Variants in LPIN2 observed in about 807,000 individuals in gnomAD.
LPIN2 encodes lipin 2.
In LPIN2, 55 loss-of-function variants were observed where a neutral mutation model predicts 111.4. That is an observed-to-expected ratio of 0.49 (90% CI 0.40 to 0.62). The LOEUF is 0.62. LPIN2 is among the 20% of genes least tolerant of loss of function. The pLI, the probability that LPIN2 is intolerant of heterozygous loss-of-function variation, is 0.00. For missense variants in LPIN2, 992 were observed against 1,112.1 expected (o/e 0.89, Z 1.54); for synonymous variants, 425 against 414.0 (o/e 1.03, Z -0.32).
At position 2,920,251 on chromosome 18, in the gene LPIN2, G is replaced by A. The variant is rs1234105347; in HGVS notation, c.*42C>T. ...AGAGCCAGCTGCCTTCCCTTGCTGT[G>A]GGGAGGGGGACCAAGCCCTGCCCAC... On this transcript the variant is annotated 3_prime_UTR_variant, in exon 20 of 20. Coordinates refer to ENST00000677752, the MANE Select transcript of LPIN2 (RefSeq NM_001375808.2). 6.2e-7 allele frequency: 1 copy of A among 1,612,808 alleles called. No individual in the cohort carries two copies. Among genetic ancestry groups the A allele is most frequent in the Non-Finnish European group, 8.5e-7 (1 of 1,179,256 alleles).
At chr18:3,002,236 C>CAAAAAAAA (rs765641037) in intron 1 of LPIN2, among the ~76,000 whole-genome samples, 12 of 82,804 alleles carry the variant, frequency 1.4e-4, no homozygotes, top group Non-Finnish European at 2.0e-4. Context: ...TTCAAAAGAC[C>CAAAAAAAA]AAAAAAAAAA....
In LPIN2 at chr18:2,977,633, A is replaced by G. The variant is rs550431251; in HGVS notation, c.-9-16784T>C. ...CAAAAGAGCAAACGTATGTCAGAGA[A>G]AAAACAGGAGTATACTCCCAAGAGC... On this transcript the variant is annotated intron_variant, in intron 1 of 19. Coordinates refer to ENST00000677752, the MANE Select transcript of LPIN2 (RefSeq NM_001375808.2). Among the ~76,000 whole-genome samples, 18 of 152,222 alleles carry G rather than the reference A, an allele frequency of 1.2e-4. 1 individual carries two copies. The highest frequency in any genetic ancestry group is 1.9e-4 in the Non-Finnish European group (13 of 68,032).
At chr18:2,964,740 G>A (rs193020479) in intron 1 of LPIN2, among the ~76,000 whole-genome samples, 3 of 152,308 alleles carry the variant, frequency 2.0e-5, no homozygotes, top group Admixed American at 2.0e-4. Flanking sequence ...GATCGTTACA[G>A]TTGACAGAGA....
chr18:2,962,863 A>G (rs2077734639), intron 1 of LPIN2, among the ~76,000 whole-genome samples: 1 of 152,248 alleles, frequency 6.6e-6, no homozygotes, highest in Non-Finnish European at 1.5e-5. Context: ...TAAACAAAAA[A>G]ATGCTAACTT....
At position 2,960,633 on chromosome 18, in the gene LPIN2, C is replaced by A; in HGVS notation, c.192+16G>T. The A allele has an allele frequency of 6.2e-7, 1 of 1,613,504 alleles. No individual in the cohort carries two copies. Among genetic ancestry groups the A allele is most frequent in the Non-Finnish European group, 8.5e-7 (1 of 1,179,622 alleles). Reference sequence around the variant, plus strand: ...TGAATCTCAGGATGACTTTTCCTCTCCTTGAGGACACTCACCACTTTCTCT... The same window carrying A: ...TGAATCTCAGGATGACTTTTCCTCTACTTGAGGACACTCACCACTTTCTCT... On this transcript the variant is annotated intron_variant, in intron 2 of 19. Transcript: ENST00000677752.
rs2077921173 is a variant in LPIN2, at chr18:2,971,859, T to G, written c.-9-11010A>C. On this transcript the variant is annotated intron_variant, in intron 1 of 19. Coordinates refer to ENST00000677752, the MANE Select transcript of LPIN2 (RefSeq NM_001375808.2). Reference sequence around the variant, plus strand: ...TGAGGTCAGGGGTTTGAGACCAGCCTGGCCAACATGGTGAAACTCTCTACT... The same window carrying G: ...TGAGGTCAGGGGTTTGAGACCAGCCGGGCCAACATGGTGAAACTCTCTACT... Among the ~76,000 whole-genome samples, 3 of 151,174 alleles carry G rather than the reference T, an allele frequency of 2.0e-5. 1 individual carries two copies. In the South Asian group the frequency reaches 6.3e-4, roughly 32 times the overall value.
chr18:3,000,025 G>GTT (rs778863362), intron 1 of LPIN2, among the ~76,000 whole-genome samples: 6 of 25,848 alleles, frequency 2.3e-4, no homozygotes, highest in South Asian at 1.8e-3. Context: ...CCCTATCTCT[G>GTT]TTTTGTTTTT....
intron 8 of LPIN2, among the ~76,000 whole-genome samples, chr18:2,933,097 G>A (rs2077235192): frequency 6.6e-6 from 1 of 152,186 alleles, no homozygotes; most frequent in Admixed American, 6.5e-5. Flanking sequence ...TGTAAATTTG[G>A]TAATGAAGAT....
intron 1 of LPIN2, among the ~76,000 whole-genome samples, chr18:3,007,114 T>C (rs546852544): frequency 2.5e-4 from 38 of 152,338 alleles, no homozygotes; most frequent in Middle Eastern, 3.4e-3. Flanking sequence ...AGTTCATATG[T>C]AAATTGACAT....
rs538285275 is a variant in LPIN2 at position 2,930,131 on chromosome 18, T to C, written c.1457-973A>G. ...TAACAGAGAAACTGCTCACTTGGAT[T>C]GTTTCTCCAGGTAATGTGTGTATTA... On this transcript the variant is annotated intron_variant, in intron 9 of 19. Coordinates refer to ENST00000677752, the MANE Select transcript of LPIN2 (RefSeq NM_001375808.2). 5.5e-3 allele frequency among the ~76,000 whole-genome samples: 832 copies of C among 152,356 alleles called. 11 individuals carry two copies. Among genetic ancestry groups the C allele is most frequent in the Middle Eastern group, 0.01 (3 of 294 alleles).
In LPIN2 at chr18:2,975,520, G is replaced by A. The variant is rs984594297; in HGVS notation, c.-9-14671C>T. ...CAGCTAATTTTGTATTTTTAGTAGCGACGGGGTTTCTCCATGTTGGTCAAG... is the reference window on the plus strand; with the variant it reads ...CAGCTAATTTTGTATTTTTAGTAGCAACGGGGTTTCTCCATGTTGGTCAAG... On this transcript the variant is annotated intron_variant, in intron 1 of 19. Coordinates refer to ENST00000677752, the MANE Select transcript of LPIN2 (RefSeq NM_001375808.2). Among the ~76,000 whole-genome samples the A allele has an allele frequency of 2.0e-5, 3 of 152,096 alleles. No homozygotes were observed. The South Asian group carries it at 6.2e-4, about 31-fold the overall frequency.
chr18:2,925,476 T>A lies in LPIN2; in HGVS notation c.1794-108A>T. The A allele has an allele frequency of 7.0e-7, 1 of 1,427,058 alleles. No individual in the cohort carries two copies. The highest frequency in any genetic ancestry group is 9.8e-7 in the Non-Finnish European group (1 of 1,023,920). The allele number at this position is 1,427,058 out of a possible 1,614,324, so 88.4% of individuals were successfully genotyped here. On this transcript the variant is annotated intron_variant, in intron 13 of 19. Transcript: ENST00000677752. The surrounding 1 kb of genome is among the most constrained non-coding windows in gnomAD (Gnocchi z 4.1). ...AGATATCCTAAATCTTTTCTAGGAA[T>A]GGGTAGAGTTATCCCTTCTGCCATT...
chr18:2,954,735 G>T lies in LPIN2; in HGVS notation c.193-136C>A, dbSNP rs551883722. On this transcript the variant is annotated intron_variant, in intron 2 of 19. Transcript: ENST00000677752. Reference sequence around the variant, plus strand: ...AGAACTACAGCCTCTGAGAAACACTGCTACTTGCCCCTACCCAACCCCTAA... The same window carrying T: ...AGAACTACAGCCTCTGAGAAACACTTCTACTTGCCCCTACCCAACCCCTAA... 190 of 721,288 alleles carry T rather than the reference G, an allele frequency of 2.6e-4. 2 individuals are homozygous for T. The South Asian group carries it at 2.7e-3, about 10-fold the overall frequency. The allele number at this position is 721,288 out of a possible 1,614,324, so 44.7% of individuals were successfully genotyped here.
At chr18:2,980,692 T>G (rs2078095857) in intron 1 of LPIN2, among the ~76,000 whole-genome samples, 1 of 152,188 alleles carries the variant, frequency 6.6e-6, no homozygotes, top group African/African-American at 2.4e-5. Flanking sequence ...CCCCTGAAGC[T>G]GGTGAGGATG....
chr18:2,961,130 C>T (rs1320997492), intron 1 of LPIN2, among the ~76,000 whole-genome samples: 1 of 152,076 alleles, frequency 6.6e-6, no homozygotes. Context: ...GTACTGACTG[C>T]CATTAGGGAC....
intron 1 of LPIN2, among the ~76,000 whole-genome samples, chr18:3,001,550 G>A (rs1288512539): frequency 1.3e-5 from 2 of 152,100 alleles, no homozygotes; most frequent in African/African-American, 4.8e-5. Flanking sequence ...GCGTGTGAGA[G>A]GAGGGTTATA....
intron 4 of LPIN2, among the ~76,000 whole-genome samples, chr18:2,941,124 A>T (rs1275115041): frequency 6.6e-6 from 1 of 152,236 alleles, no homozygotes; most frequent in Non-Finnish European, 1.5e-5. Context: ...AAGTAGTTGG[A>T]TTCAAAACAA....
At chr18:2,955,584 C>T (rs1056949940) in intron 2 of LPIN2, among the ~76,000 whole-genome samples, 1 of 152,242 alleles carries the variant, frequency 6.6e-6, no homozygotes, top group South Asian at 2.1e-4. Context: ...GACATCCAAA[C>T]CTTATCAACA....
chr18:2,977,543 G>A (rs1436922060), intron 1 of LPIN2, among the ~76,000 whole-genome samples: 1 of 152,104 alleles, frequency 6.6e-6, no homozygotes, highest in African/African-American at 2.4e-5. Context: ...CATGGCTGTG[G>A]GCAGGAAAAT....
Sources: allele counts gnomAD v4.1 joint callset (sites outside exome capture counted in the v4.1 genomes callset), GRCh38; gene constraint gnomAD v4.1.1; non-coding constraint Gnocchi (gnomAD v3.1); transcripts MANE v1.5; gene names NCBI Gene and HGNC (gene_info 2026-07-23, HGNC 2026-07-21).